Variants in FYB2 observed in about 807,000 individuals in gnomAD.
FYB2 encodes the protein FYN binding protein 2.
Under a neutral mutation model 94.1 loss-of-function variants are expected in FYB2, and 103 were observed. That is an observed-to-expected ratio of 1.09 (90% CI 0.93 to 1.29). The LOEUF (loss-of-function observed/expected upper bound fraction) is 1.29. Ranked by LOEUF, FYB2 falls within the 50% of genes most tolerant of loss-of-function variation. FYB2 has a pLI of 0.00. For synonymous variants in FYB2, 293 were observed against 287.9 expected (o/e 1.02, Z -0.18); for missense variants, 896 against 841.5 (o/e 1.06, Z -0.80).
At chr1:56,808,108 A>G (rs1173261967) in intron 1 of FYB2, among the ~76,000 whole-genome samples, 1 of 152,136 alleles carries the variant, frequency 6.6e-6, no homozygotes, top group Non-Finnish European at 1.5e-5. Context: ...ACTATACCAC[A>G]CTGGGTTAGG....
intron 4 of FYB2, among the ~76,000 whole-genome samples, chr1:56,782,014 A>G (rs897350307): frequency 1.3e-5 from 2 of 152,148 alleles, no homozygotes; most frequent in African/African-American, 4.8e-5. Flanking sequence ...GTAGATGTAC[A>G]TATTTTCAGG....
At chr1:56,755,958 A>G (rs754297549) in intron 6 of FYB2, 31 bp from the exon 7 acceptor site, 3 of 1,596,140 alleles carry the variant, frequency 1.9e-6, no homozygotes, top group Non-Finnish European at 2.6e-6. Context: ...GGTTATTTTC[A>G]TAAATCAACC....
At chr1:56,826,244 C>T in the FYB2 span, among the ~76,000 whole-genome samples, 3 of 152,186 alleles carry the variant, frequency 2.0e-5, no homozygotes, top group African/African-American at 7.2e-5. Context: ...CAATCCCCCA[C>T]CTCACACCAA....
chr1:56,744,398 T>G (rs565920840), intron 9 of FYB2, 132 bp from the exon 10 acceptor site: 10 of 658,230 alleles, frequency 1.5e-5, no homozygotes, highest in Admixed American at 7.9e-5. Context: ...ATTACAGTCT[T>G]GGTATGTATG....
chr1:56,791,057 A>AG, intron 2 of FYB2, among the ~76,000 whole-genome samples: 1 of 152,252 alleles, frequency 6.6e-6, no homozygotes, highest in Admixed American at 6.5e-5. Context: ...ACCAGCATGC[A>AG]GGGCCATGAA....
chr1:56,813,730 C>T (rs949965408), intron 1 of FYB2, among the ~76,000 whole-genome samples: 1 of 152,152 alleles, frequency 6.6e-6, no homozygotes, highest in African/African-American at 2.4e-5. Flanking sequence ...GAATTAACTG[C>T]ACTTTGAGTT....
At chr1:56,764,724 ATAT>A (rs1645580886) in intron 5 of FYB2, among the ~76,000 whole-genome samples, 3 of 152,278 alleles carry the variant, frequency 2.0e-5, no homozygotes, top group Non-Finnish European at 2.9e-5. Context: ...TTTGGCAGAT[ATAT>A]TTTTTTTTTC....
chr1:56,751,871 A>G (rs1056533997), intron 8 of FYB2, among the ~76,000 whole-genome samples: 2 of 152,070 alleles, frequency 1.3e-5, no homozygotes, highest in African/African-American at 4.8e-5. Context: ...TATTTACAGC[A>G]GTATTGCTCA....
chr1:56,783,845 A>C lies in FYB2; in HGVS notation c.953+3330T>G, dbSNP rs190859402. On this transcript the variant is annotated intron_variant, in intron 4 of 19. Coordinates refer to ENST00000343433, the MANE Select transcript of FYB2 (RefSeq NM_001004303.5). The stretch of plus-strand genomic sequence containing the variant: ...GATGAAGAAAAATATAAGGCTCTCA[A>C]GGTGTTGAGCTCCTCATCAATGAAT... Among the ~76,000 whole-genome samples the C allele has an allele frequency of 3.3e-5, 5 of 152,304 alleles. No individual in the cohort carries two copies. In the East Asian group the frequency reaches 9.6e-4, roughly 29 times the overall value.
At position 56,792,817 on chromosome 1, in the gene FYB2, T is replaced by A; in HGVS notation, c.10-14A>T. Reference sequence around the variant, plus strand: ...TCTTACCCCTTCCTAAGGCAAAGAATAATCAAACAAACAAACAAAAACAAA... The same window carrying A: ...TCTTACCCCTTCCTAAGGCAAAGAAAAATCAAACAAACAAACAAAAACAAA... On this transcript the variant is annotated splice_polypyrimidine_tract_variant and intron_variant, in intron 1 of 19. Transcript: ENST00000343433. 1 of 1,580,128 alleles carries A rather than the reference T, an allele frequency of 6.3e-7. No individual in the cohort carries two copies. Among genetic ancestry groups the A allele is most frequent in the South Asian group, 1.2e-5 (1 of 86,910 alleles).
At chr1:56,755,772 G>T in intron 7 of FYB2, 124 bp downstream of exon 7, 1 of 911,858 alleles carries the variant, frequency 1.1e-6, no homozygotes, top group Non-Finnish European at 1.7e-6. Context: ...CTTGCAAGGT[G>T]CCGGGGAAAC....
chr1:56,729,164 CCAAA>C (rs1644648530), intron 15 of FYB2, among the ~76,000 whole-genome samples: 1 of 152,078 alleles, frequency 6.6e-6, no homozygotes, highest in Admixed American at 6.6e-5. Flanking sequence ...TGGTTAACCA[CCAAA>C]CAGTTTTCAG....
chr1:56,742,302 C>T, intron 11 of FYB2, 81 bp from the exon 12 acceptor site: 4 of 1,018,890 alleles, frequency 3.9e-6, no homozygotes, highest in Non-Finnish European at 5.8e-6. Flanking sequence ...GTATTAGATA[C>T]TTACTAGATG....
In FYB2 at chr1:56,819,287, C is replaced by G. The variant is rs147394238; in HGVS notation, c.4G>C (p.Glu2Gln). The G allele has an allele frequency of 3.1e-4, 496 of 1,614,240 alleles. No homozygotes were observed. The highest frequency in any genetic ancestry group is 1.3e-3 in the Admixed American group (79 of 60,034). M[E>Q]GEGVRNFKEL... ...CAAAACTGAGACAGCCTTACCCCTT[C>G]CATTGCTTTCCTCCAAGGCAGAGTC... The change falls in exon 1 of 20, where the codon GAA becomes CAA. Residue 2 changes from glutamate to glutamine, a missense_variant. Transcript: ENST00000343433.
At chr1:56,822,747 T>TA (rs10657945), upstream of FYB2, among the ~76,000 whole-genome samples, 15,228 of 144,214 alleles carry the variant, frequency 0.11, 1,827 homozygotes, top group African/African-American at 0.3. Flanking sequence ...TACCCCGATG[T>TA]AAAAAAAAAA....
At chr1:56,808,259 A>G (rs1343596981) in intron 1 of FYB2, among the ~76,000 whole-genome samples, 2 of 152,198 alleles carry the variant, frequency 1.3e-5, no homozygotes, top group Admixed American at 1.3e-4. Context: ...AGTAAATAGC[A>G]GAACTAGACC....
At chr1:56,775,767 G>T (rs1397726063) in intron 4 of FYB2, among the ~76,000 whole-genome samples, 3 of 152,116 alleles carry the variant, frequency 2.0e-5, no homozygotes, top group Non-Finnish European at 4.4e-5. Flanking sequence ...AAAGAAAGAG[G>T]TCATCAGAGT....
chr1:56,752,069 T>G (rs1158251109), intron 8 of FYB2, among the ~76,000 whole-genome samples: 1 of 151,468 alleles, frequency 6.6e-6, no homozygotes, highest in African/African-American at 2.4e-5. Flanking sequence ...TTTGGGGAAG[T>G]GTTTGTGTCC....
chr1:56,780,576 G>T (rs1645985401), intron 4 of FYB2, among the ~76,000 whole-genome samples: 1 of 152,178 alleles, frequency 6.6e-6, no homozygotes, highest in African/African-American at 2.4e-5. Context: ...GACTTCACCT[G>T]ACTCTCCATG....
Sources: gnomAD v4.1 joint callset for allele counts (sites outside exome capture counted in the v4.1 genomes callset) on GRCh38, gnomAD v4.1.1 for gene constraint, MANE v1.5 for transcripts, NCBI Gene and HGNC (gene_info 2026-07-23, HGNC 2026-07-21) for gene names.